Variants in GPR146 observed in about 807,000 individuals in gnomAD.
GPR146 encodes G protein-coupled receptor 146, also known as G-protein coupled receptor 146.
For synonymous variants in GPR146, 203 were observed against 104.3 expected (o/e 1.95, Z -5.77); for missense variants, 381 against 213.9 (o/e 1.78, Z -4.87).
chr7:1,044,630 G>C lies in GPR146; in HGVS notation c.-53G>C, dbSNP rs1475128899. 1.3e-5 allele frequency: 2 copies of C among 151,596 alleles called. No homozygotes were observed. The highest frequency in any genetic ancestry group is 2.9e-5 in the Non-Finnish European group (2 of 67,844). 9.4% of individuals were successfully genotyped at this position (151,596 alleles called of 1,614,324 possible). On this transcript the variant is annotated 5_prime_UTR_variant, in exon 1 of 2. Coordinates refer to ENST00000444847, the MANE Select transcript of GPR146 (RefSeq NM_001303473.2). ...CAGCCCGAGCTGCCCGCCCGGCGGCGACTGCGCCGGCCGCCGCCCAGCAAG... is the reference window on the plus strand; with the variant it reads ...CAGCCCGAGCTGCCCGCCCGGCGGCCACTGCGCCGGCCGCCGCCCAGCAAG...
intron 1 of GPR146, among the ~76,000 whole-genome samples, chr7:1,053,805 C>T (rs1388236753): frequency 1.3e-5 from 2 of 152,284 alleles, no homozygotes; most frequent in Admixed American, 6.5e-5. Flanking sequence ...CCAGCCTGGG[C>T]AACAGAGCGA....
intron 1 of GPR146, chr7:1,056,606 C>T (rs1783800517): frequency 6.5e-6 from 1 of 152,728 alleles, no homozygotes; most frequent in Admixed American, 6.5e-5. Flanking sequence ...GCCTCCTCTT[C>T]CCGCCCTGCT....
chr7:1,058,549 T>A lies in GPR146; in HGVS notation c.*32T>A, dbSNP rs764354986. 1.3e-6 allele frequency: 1 copy of A among 755,798 alleles called. No individual in the cohort carries two copies. Among genetic ancestry groups the A allele is most frequent in the South Asian group, 1.4e-5 (1 of 71,036 alleles). The allele number at this position is 755,798 out of a possible 1,614,324, so 46.8% of individuals were successfully genotyped here. On this transcript the variant is annotated 3_prime_UTR_variant, in exon 2 of 2. Transcript: ENST00000444847. ...CAGCCCTCCTGGGGAGACGTGACTCTGGTGGACGCAGAGCACTTAGTTACC... is the reference window on the plus strand; with the variant it reads ...CAGCCCTCCTGGGGAGACGTGACTCAGGTGGACGCAGAGCACTTAGTTACC...
At chr7:1,053,333 A>G (rs1482317178) in intron 1 of GPR146, among the ~76,000 whole-genome samples, 1 of 152,218 alleles carries the variant, frequency 6.6e-6, no homozygotes, top group African/African-American at 2.4e-5. Context: ...TCCACAGTAG[A>G]GCCCAGAACC....
chr7:1,048,694 C>T (rs1279357499), intron 1 of GPR146, among the ~76,000 whole-genome samples: 2 of 152,154 alleles, frequency 1.3e-5, no homozygotes, highest in African/African-American at 2.4e-5. Context: ...AGAAAGATGC[C>T]AACGTCTCAC....
intron 1 of GPR146, chr7:1,055,575 G>A: frequency 2.6e-6 from 1 of 390,682 alleles, no homozygotes. Context: ...ACTCTGTGCA[G>A]CACAGGTGGG....
rs61742510 is a variant in GPR146 at position 1,057,770 on chromosome 7, C to T, written c.255C>T (p.Leu85=). Residue 85 remains leucine (L), a synonymous_variant, in exon 2 of 2, where the codon CTC becomes CTT. Coordinates refer to ENST00000444847, the MANE Select transcript of GPR146 (RefSeq NM_001303473.2). ...GCGCCCTGGCCCCTGTGCACCTGCT[C>T]GGCCCCCCGAGCTCCCGGTGGGCGC... ...VLSALAPVHL[L]GPPSSRWALW... 43 of 775,682 alleles carry T rather than the reference C, an allele frequency of 5.5e-5. No homozygotes were observed. The highest frequency in any genetic ancestry group is 3.9e-4 in the East Asian group (16 of 41,232). 48.0% of individuals were successfully genotyped at this position (775,682 alleles called of 1,614,324 possible).
intron 1 of GPR146, among the ~76,000 whole-genome samples, chr7:1,057,267 C>G (rs1305209128): frequency 3.9e-5 from 6 of 152,186 alleles, no homozygotes; most frequent in Non-Finnish European, 8.8e-5. Context: ...GGTCCCCAAC[C>G]CCAGCCGCTG....
chr7:1,055,072 T>G (rs1297842138), intron 1 of GPR146, among the ~76,000 whole-genome samples: 1 of 143,066 alleles, frequency 7.0e-6, no homozygotes, highest in African/African-American at 2.6e-5. Flanking sequence ...CCCGCAGCGA[T>G]GCAGACAGGG....
rs555605178 is a variant in GPR146 at position 1,052,253 on chromosome 7, C to T, written c.-24-5239C>T. On this transcript the variant is annotated intron_variant, in intron 1 of 1. Transcript: ENST00000444847. This position sits in a 1 kb window ranked among gnomAD's most constrained non-coding sequence, Gnocchi z 4.2. ...GAGCAGGCGCCTGCGTCGAGGCGTG[C>T]CCTCCTGAGAGGCAAGGCTGACCTG... is the stretch of plus-strand genomic sequence containing the variant. Among the ~76,000 whole-genome samples the T allele has an allele frequency of 6.6e-6, 1 of 152,374 alleles. No individual in the cohort carries two copies. The highest frequency in any genetic ancestry group is 1.5e-5 in the Non-Finnish European group (1 of 68,032).
intron 1 of GPR146, among the ~76,000 whole-genome samples, chr7:1,050,646 C>T (rs117674232): frequency 4.9e-4 from 75 of 152,330 alleles, no homozygotes; most frequent in Middle Eastern, 3.4e-3. Flanking sequence ...GGGCTTGGAA[C>T]GCCGCAGCCT....
At chr7:1,046,262 G>A (rs542391378) in intron 1 of GPR146, among the ~76,000 whole-genome samples, 1 of 152,124 alleles carries the variant, frequency 6.6e-6, no homozygotes, top group African/African-American at 2.4e-5. Flanking sequence ...AATAACTGCC[G>A]CCTGGCCTTT....
At position 1,058,571 on chromosome 7, in the gene GPR146, T is replaced by TGC; in HGVS notation, c.*54_*55insGC. The TGC allele has an allele frequency of 1.4e-6, 1 of 705,936 alleles. No homozygotes were observed. Among genetic ancestry groups the TGC allele is most frequent in the East Asian group, 2.5e-5 (1 of 40,342 alleles). 43.7% of individuals were successfully genotyped at this position (705,936 alleles called of 1,614,324 possible). On this transcript the variant is annotated 3_prime_UTR_variant, in exon 2 of 2. Transcript: ENST00000444847. ...CTCTGGTGGACGCAGAGCACTTAGT[T>TGC]ACCCTGGACGCTCCCCACATCCTTC...
intron 1 of GPR146, among the ~76,000 whole-genome samples, chr7:1,048,917 C>T (rs1295466887): frequency 6.6e-6 from 1 of 152,240 alleles, no homozygotes; most frequent in Non-Finnish European, 1.5e-5. Context: ...TGTTTATACT[C>T]CAGTTTAGTA....
At chr7:1,045,376 C>T (rs1194013689) in intron 1 of GPR146, 1 of 152,238 alleles carries the variant, frequency 6.6e-6, no homozygotes, top group African/African-American at 2.4e-5. Context: ...GTACTTGAGT[C>T]CTCCATTCCA....
At position 1,058,534 on chromosome 7, in the gene GPR146, G is replaced by A. The variant is rs1169123751; in HGVS notation, c.*17G>A. ...CTGGCGTAGGCGGCCCAGCCCTCCT[G>A]GGGAGACGTGACTCTGGTGGACGCA... On this transcript the variant is annotated 3_prime_UTR_variant, in exon 2 of 2. Transcript: ENST00000444847. The A allele has an allele frequency of 1.3e-6, 1 of 768,646 alleles. No individual in the cohort carries two copies. The highest frequency in any genetic ancestry group is 1.7e-5 in the African/African-American group (1 of 58,826). 47.6% of individuals were successfully genotyped at this position (768,646 alleles called of 1,614,324 possible). A position where few individuals can be genotyped will look rare whatever the true frequency, so the allele number is the denominator to read the frequency against.
intron 1 of GPR146, among the ~76,000 whole-genome samples, chr7:1,053,695 C>T (rs1035868524): frequency 2.0e-5 from 3 of 152,210 alleles, no homozygotes; most frequent in Admixed American, 6.5e-5. Context: ...GGTGTGGTGG[C>T]AGTCGCCTGT....
chr7:1,047,628 A>G (rs62430969), intron 1 of GPR146, among the ~76,000 whole-genome samples: 1,886 of 152,376 alleles, frequency 0.012, 15 homozygotes, highest in Non-Finnish European at 0.021. Context: ...TTGTTCTAGA[A>G]TATTCACCCA....
rs1783284886 is a variant in GPR146, at chr7:1,052,983, A to G, written c.-24-4509A>G. ...TTCTCTCCCAGCCTCTAAGTCTCCC[A>G]TCACCTGGCTCCCCGTTCCTCTTTC... On this transcript the variant is annotated intron_variant, in intron 1 of 1. Transcript: ENST00000444847. This position sits in a 1 kb window ranked among gnomAD's most constrained non-coding sequence, Gnocchi z 4.2. Among the ~76,000 whole-genome samples the G allele has an allele frequency of 6.6e-6, 1 of 152,132 alleles. No homozygotes were observed. Among genetic ancestry groups the G allele is most frequent in the African/African-American group, 2.4e-5 (1 of 41,424 alleles).
Sources: gnomAD v4.1 joint callset for allele counts (sites outside exome capture counted in the v4.1 genomes callset) on GRCh38, gnomAD v4.1.1 for gene constraint, Gnocchi (gnomAD v3.1) non-coding constraint, MANE v1.5 for transcripts, NCBI Gene and HGNC (gene_info 2026-07-23, HGNC 2026-07-21) for gene names.